The following CARNMT1 variants were observed in gnomAD, a reference collection of about 807,000 sequenced individuals.
CARNMT1 encodes the protein carnosine N-methyltransferase 1, also known as protein-L-histidine N-pros-methyltransferase CARNMT1.
In CARNMT1, 28 loss-of-function variants were observed where a neutral mutation model predicts 49.6. That is an observed-to-expected ratio of 0.56 (90% CI 0.42 to 0.77). CARNMT1 has a LOEUF of 0.77. Ranked by LOEUF, CARNMT1 falls within the 30% of genes least tolerant of loss-of-function variation. CARNMT1 has a pLI of 0.00. For missense variants in CARNMT1, 421 were observed against 512.6 expected, an observed-to-expected ratio of 0.82 and a Z score of 1.73; for synonymous variants, 178 against 175.0, an observed-to-expected ratio of 1.02 and a Z score of -0.13.
At chr9:75,020,219 T>C (rs1822303643) in intron 1 of CARNMT1, among the ~76,000 whole-genome samples, 1 of 151,914 alleles carries the variant, frequency 6.6e-6, no homozygotes, top group Non-Finnish European at 1.5e-5. Context: ...ATTAATTCAA[T>C]ATTAAATGAA....
intron 5 of CARNMT1, 24 bp downstream of exon 5, chr9:74,998,574 T>A: frequency 4.6e-6 from 7 of 1,509,704 alleles, no homozygotes; most frequent in Non-Finnish European, 6.2e-6. Context: ...GACAAGACTT[T>A]TTAAACGCTT....
In CARNMT1 at chr9:75,017,367, C is replaced by G. The variant is rs1243666955; in HGVS notation, c.312G>C (p.Gln104His). ...LPANQQKLLP[Q>H]FLLHLDKIRK... ...GGATCTTGTCCAAGTGAAGAAGAAA[C>G]TGAGGAAGTAGTTTCTGTTGGTTAG... is the stretch of plus-strand genomic sequence containing the variant. The change falls in exon 2 of 8, where the codon CAG (glutamine) becomes CAC (histidine). Residue 104 changes from glutamine (Q) to histidine (H), a missense_variant. Physicochemically the swap from Gln to His is conservative, Grantham distance 24 (BLOSUM62 0). Around this residue, in one of 2 missense-constraint regions of CARNMT1, gnomAD observed 186 missense variants for 167.9 expected, o/e 1.11. Coordinates refer to ENST00000376834, the MANE Select transcript of CARNMT1 (RefSeq NM_152420.3). 1 of 1,614,080 alleles carries G rather than the reference C, an allele frequency of 6.2e-7. No homozygotes were observed. Among genetic ancestry groups the G allele is most frequent in the Admixed American group, 1.7e-5 (1 of 60,026 alleles).
intron 3 of CARNMT1, among the ~76,000 whole-genome samples, chr9:75,001,198 T>C (rs1208008451): frequency 6.6e-6 from 1 of 152,146 alleles, no homozygotes; most frequent in Non-Finnish European, 1.5e-5. Flanking sequence ...TCATATAGTA[T>C]TTAAATCTTT....
In CARNMT1 at chr9:74,981,154, T is replaced by C. The variant is rs972171232; in HGVS notation, c.*2613A>G. ...GGCAACTTTTAGAATGAGAGTTACA[T>C]ATAAATACAGTACATTTTACAGTTA... On this transcript the variant is annotated 3_prime_UTR_variant, in exon 8 of 8. Transcript: ENST00000376834. The C allele has an allele frequency of 6.6e-6, 1 of 152,188 alleles. No individual in the cohort carries two copies. The highest frequency in any genetic ancestry group is 1.5e-5 in the Non-Finnish European group (1 of 67,996). The allele number at this position is 152,188 out of a possible 1,614,324, so 9.4% of individuals were successfully genotyped here. A position where few individuals can be genotyped will look rare whatever the true frequency, so the allele number is the denominator to read the frequency against.
At position 74,981,747 on chromosome 9, in the gene CARNMT1, AG is replaced by A. The variant is rs1045306794; in HGVS notation, c.*2019del. ...CTGTTTTTGCCTGTGACAAAAACAA[AG>A]ATCATTTGTTTTGATACAAGTTGTA... On this transcript the variant is annotated 3_prime_UTR_variant, in exon 8 of 8. Coordinates refer to ENST00000376834, the MANE Select transcript of CARNMT1 (RefSeq NM_152420.3). 3.9e-5 allele frequency: 6 copies of A among 152,148 alleles called. No individual in the cohort carries two copies. The highest frequency in any genetic ancestry group is 5.9e-5 in the Non-Finnish European group (4 of 67,998). The allele number at this position is 152,148 out of a possible 1,614,324, so 9.4% of individuals were successfully genotyped here.
chr9:75,003,788 A>T (rs533109109), intron 3 of CARNMT1, among the ~76,000 whole-genome samples: 10 of 152,370 alleles, frequency 6.6e-5, no homozygotes, highest in Admixed American at 6.5e-4. Flanking sequence ...TGGCATAAAT[A>T]ACTTTCACAT....
chr9:75,021,798 C>A (rs532219648), intron 1 of CARNMT1, among the ~76,000 whole-genome samples: 49 of 151,868 alleles, frequency 3.2e-4, no homozygotes, highest in Non-Finnish European at 6.8e-4. Context: ...ATGAGCCAGG[C>A]GTGGTGGTGC....
chr9:75,004,118 AC>A (rs1466413570), intron 3 of CARNMT1, among the ~76,000 whole-genome samples: 2 of 152,210 alleles, frequency 1.3e-5, no homozygotes, highest in African/African-American at 2.4e-5. Flanking sequence ...CAGGTGATCC[AC>A]CTACTTCAGC....
Position 74,996,534 on chromosome 9 carries a change from A to C in CARNMT1, c.937T>G (p.Phe313Val). The change falls in exon 6 of 8, where the codon TTC (phenylalanine) becomes GTC (valine). Residue 313 changes from phenylalanine to valine, a missense_variant. By Grantham distance (50) the Phe-to-Val change is conservative. Around this residue, in one of 2 missense-constraint regions of CARNMT1, gnomAD observed 235 missense variants for 344.8 expected, o/e 0.68. Transcript: ENST00000376834. The part of the protein sequence containing the change: ...CNTWDCIATC[F>V]FIDTAHNVID... ...ACATTGTGAGCTGTGTCTATGAAGAAACAGGTAGCAATACAGTCCCAGGTA... is the reference window on the plus strand; with the variant it reads ...ACATTGTGAGCTGTGTCTATGAAGACACAGGTAGCAATACAGTCCCAGGTA... The C allele has an allele frequency of 6.2e-7, 1 of 1,601,218 alleles. No homozygotes were observed. The highest frequency in any genetic ancestry group is 8.5e-7 in the Non-Finnish European group (1 of 1,171,822).
intron 3 of CARNMT1, among the ~76,000 whole-genome samples, chr9:75,007,795 G>A (rs1199259363): frequency 8.9e-5 from 13 of 145,950 alleles, no homozygotes; most frequent in African/African-American, 2.8e-4. Context: ...GGGTATTTAC[G>A]AAAGTCCCAC....
At chr9:74,988,210 C>T (rs947966555) in intron 6 of CARNMT1, among the ~76,000 whole-genome samples, 4 of 152,096 alleles carry the variant, frequency 2.6e-5, no homozygotes, top group Non-Finnish European at 5.9e-5. Context: ...CAACACCACA[C>T]GCAGCTTTCT....
At chr9:75,027,343 G>T (rs776936114) in intron 1 of CARNMT1, 45 of 878,046 alleles carry the variant, frequency 5.1e-5, no homozygotes, top group Non-Finnish European at 6.0e-5. Context: ...AAAAAAGAAC[G>T]TAAAGGCAGC....
At chr9:75,027,551 G>C (rs1822566686) in intron 1 of CARNMT1, 1 of 860,328 alleles carries the variant, frequency 1.2e-6, no homozygotes, top group Non-Finnish European at 1.4e-6. Context: ...ACTGGTAACA[G>C]TTTGGGAAAA....
At position 74,998,771 on chromosome 9, in the gene CARNMT1, G is replaced by A. The variant is rs778208960; in HGVS notation, c.737C>T (p.Ser246Phe). ...FSSNFVLNRCSEINKYKLYPW... is the reference protein window; with the variant it reads ...FSSNFVLNRCFEINKYKLYPW... ...ATAAAGTTTATATTTATTAATTTCA[G>A]AACATCTGCAAAATATGAGTATAAA... Residue 246 changes from serine to phenylalanine, a missense_variant, in exon 5 of 8, where the codon TCT becomes TTT. Ser to Phe is a radical substitution (Grantham distance 155). Transcript: ENST00000376834. 6.6e-7 allele frequency: 1 copy of A among 1,505,160 alleles called. No homozygotes were observed. The highest frequency in any genetic ancestry group is 8.9e-7 in the Non-Finnish European group (1 of 1,119,754). The allele number at this position is 1,505,160 out of a possible 1,614,324, so 93.2% of individuals were successfully genotyped here.
chr9:74,993,570 C>G (rs1438364658), intron 6 of CARNMT1, among the ~76,000 whole-genome samples: 1 of 152,092 alleles, frequency 6.6e-6, no homozygotes, highest in African/African-American at 2.4e-5. Context: ...CTACAGTAAT[C>G]CTAATGCTAA....
Position 75,027,940 on chromosome 9 carries a change from C to T in CARNMT1, c.230+72G>A, listed in dbSNP as rs1468197783. On this transcript the variant is annotated intron_variant, in intron 1 of 7. Coordinates refer to ENST00000376834, the MANE Select transcript of CARNMT1 (RefSeq NM_152420.3). ...GTGGCGGCGGGACGGCGAGCGCCCC[C>T]GTTCCGGCGGGTCCGCCGCCACCAG... 6 of 1,448,726 alleles carry T rather than the reference C, an allele frequency of 4.1e-6. No homozygotes were observed. The East Asian group carries it at 1.5e-4, about 36-fold the overall frequency. 89.7% of individuals were successfully genotyped at this position (1,448,726 alleles called of 1,614,324 possible).
At chr9:75,018,110 G>A (rs1833903339) in intron 1 of CARNMT1, among the ~76,000 whole-genome samples, 1 of 152,178 alleles carries the variant, frequency 6.6e-6, no homozygotes, top group African/African-American at 2.4e-5. Context: ...CGCCCAGGCT[G>A]GAATGCAGTG....
At chr9:75,007,733 AAATAAAAATAAT>A (rs1423276302) in intron 3 of CARNMT1, among the ~76,000 whole-genome samples, 7 of 122,354 alleles carry the variant, frequency 5.7e-5, no homozygotes, top group Admixed American at 2.4e-4. Context: ...TGTCTCAAAA[AAATAAAAATAAT>A]AAAAAAAAAA....
upstream of CARNMT1, chr9:75,028,368 C>G (rs1295579861): frequency 7.7e-7 from 1 of 1,301,752 alleles, no homozygotes; most frequent in Non-Finnish European, 9.7e-7. Flanking sequence ...CGCGCTCCGC[C>G]CCCGCCACCC....
Sources: gnomAD v4.1 joint callset for allele counts (sites outside exome capture counted in the v4.1 genomes callset) on GRCh38, gnomAD v4.1.1 for gene constraint, gnomAD v4.1.1 regional missense constraint, MANE v1.5 for transcripts, NCBI Gene and HGNC (gene_info 2026-07-23, HGNC 2026-07-21) for gene names.